USP39: variants seen among roughly 807,000 people sequenced by gnomAD.
The protein encoded by USP39 is ubiquitin carboxyl-terminal hydrolase 39.
In USP39, 38 loss-of-function variants were observed where a neutral mutation model predicts 66.4. The observed-to-expected ratio is 0.57, with a 90% confidence interval of 0.44 to 0.75. USP39 has a LOEUF of 0.75. Ranked by LOEUF, USP39 falls within the 30% of genes least tolerant of loss-of-function variation. The pLI, the probability that USP39 is intolerant of heterozygous loss-of-function variation, is 0.00. For synonymous variants in USP39, 303 were observed against 274.6 expected, an observed-to-expected ratio of 1.10 and a Z score of -1.02; for missense variants, 608 against 714.4, an observed-to-expected ratio of 0.85 and a Z score of 1.70.
rs1384178280 is a variant in USP39 at position 85,623,667 on chromosome 2, C to T, written c.455C>T (p.Ala152Val). ...ACAGGCCGGGGTTTGAAGTCTCACG[C>T]CTACATTCACAGTGTCCAGTTTAGC... ...YFQGRGLKSHAYIHSVQFSHH... is the reference protein window; with the variant it reads ...YFQGRGLKSHVYIHSVQFSHH... Residue 152 changes from alanine to valine, a missense_variant, in exon 4 of 13, where the codon GCC becomes GTC. Coordinates refer to ENST00000323701, the MANE Select transcript of USP39 (RefSeq NM_006590.4). 6.2e-7 allele frequency: 1 copy of T among 1,613,642 alleles called. No homozygotes were observed. The highest frequency in any genetic ancestry group is 1.7e-5 in the Admixed American group (1 of 59,908).
chr2:85,608,874 A>G, upstream of USP39: 1 of 1,587,168 alleles, frequency 6.3e-7, no homozygotes. Flanking sequence ...TGGTACCCCC[A>G]CACTAAATTC....
chr2:85,631,313 CT>C (rs57173306), intron 6 of USP39, among the ~76,000 whole-genome samples: 9,825 of 126,206 alleles, frequency 0.078, 966 homozygotes, highest in African/African-American at 0.25. Flanking sequence ...TGCGCCCGGC[CT>C]TTTTTTTTTT....
chr2:85,611,478 G>C, upstream of USP39: 1 of 1,549,226 alleles, frequency 6.5e-7, no homozygotes, highest in East Asian at 2.4e-5. Flanking sequence ...CTTAACTGGG[G>C]GCTTATGAGT....
chr2:85,643,791 G>T (rs1463814318), intron 10 of USP39, among the ~76,000 whole-genome samples: 1 of 151,866 alleles, frequency 6.6e-6, no homozygotes, highest in Non-Finnish European at 1.5e-5. Context: ...GGGACTACAG[G>T]TGCACGCCGC....
At position 85,649,084 on chromosome 2, in the gene USP39, ATG is replaced by A; in HGVS notation, c.*282_*283del. On this transcript the variant is annotated 3_prime_UTR_variant, in exon 13 of 13. Coordinates refer to ENST00000323701, the MANE Select transcript of USP39 (RefSeq NM_006590.4). ...TCAGCAGGGCAGAACCCTTCTCCAG[ATG>A]TGTGTAACTTATGTCTTGAGTATCT... 2.4e-6 allele frequency: 1 copy of A among 418,052 alleles called. No individual in the cohort carries two copies. The highest frequency in any genetic ancestry group is 4.1e-6 in the Non-Finnish European group (1 of 241,620). 25.9% of individuals were successfully genotyped at this position (418,052 alleles called of 1,614,324 possible).
chr2:85,611,833 C>G, upstream of USP39: 1 of 1,605,486 alleles, frequency 6.2e-7, no homozygotes, highest in Non-Finnish European at 8.5e-7. Context: ...CCGGGCCAGG[C>G]CAGGCCAGGA....
intron 5 of USP39, among the ~76,000 whole-genome samples, chr2:85,627,628 T>TA (rs758659994): frequency 0.012 from 1,683 of 139,160 alleles, 26 homozygotes; most frequent in African/African-American, 0.038. Context: ...TGTCTCTATT[T>TA]AAAAAAAAAA....
At chr2:85,631,306 G>C (rs59139634) in intron 6 of USP39, among the ~76,000 whole-genome samples, 1 of 146,192 alleles carries the variant, frequency 6.8e-6, no homozygotes, top group African/African-American at 2.5e-5. Context: ...GAGCCACTGC[G>C]CCCGGCCTTT....
upstream of USP39, among the ~76,000 whole-genome samples, chr2:85,613,573 G>A (rs1355066584): frequency 2.0e-5 from 3 of 152,166 alleles, no homozygotes; most frequent in African/African-American, 7.2e-5. Context: ...GCAATCCAAA[G>A]GAAGATCTGT....
chr2:85,627,284 A>G (rs1009446749), intron 5 of USP39, among the ~76,000 whole-genome samples: 1 of 150,942 alleles, frequency 6.6e-6, no homozygotes, highest in Non-Finnish European at 1.5e-5. Context: ...TTTAGTAGAG[A>G]TGGGGTTTCA....
chr2:85,619,125 T>G, intron 1 of USP39, 95 bp from the exon 2 acceptor site: 1 of 1,377,282 alleles, frequency 7.3e-7, no homozygotes, highest in Non-Finnish European at 1.0e-6. Context: ...CTCATCTTGA[T>G]TAGTTTTTCC....
upstream of USP39, chr2:85,611,765 C>T (rs777942349): frequency 9.3e-6 from 15 of 1,612,360 alleles, no homozygotes; most frequent in Middle Eastern, 3.3e-4. Flanking sequence ...CCGCCTGCTT[C>T]ACCTTCTTGT....
intron 8 of USP39, among the ~76,000 whole-genome samples, chr2:85,638,167 A>T (rs1675930595): frequency 6.6e-6 from 1 of 151,712 alleles, no homozygotes; most frequent in African/African-American, 2.4e-5. Context: ...GATTACAGGC[A>T]TGCGCCACTA....
At chr2:85,624,766 C>A (rs548259845) in intron 4 of USP39, among the ~76,000 whole-genome samples, 2 of 152,010 alleles carry the variant, frequency 1.3e-5, no homozygotes, top group South Asian at 4.1e-4. Context: ...GAGTTTGAGA[C>A]CAGCCTGACC....
chr2:85,627,330 C>T (rs570026115), intron 5 of USP39, among the ~76,000 whole-genome samples: 6 of 152,218 alleles, frequency 3.9e-5, no homozygotes, highest in South Asian at 2.1e-4. Flanking sequence ...CTCCTGACCT[C>T]GTGGTCCACC....
At chr2:85,642,580 T>G (rs1246082298) in intron 10 of USP39, among the ~76,000 whole-genome samples, 1 of 152,252 alleles carries the variant, frequency 6.6e-6, no homozygotes, top group Non-Finnish European at 1.5e-5. Context: ...AAAGCTTACT[T>G]CGGAGAAGTT....
chr2:85,624,194 A>G (rs1674674953), intron 4 of USP39, among the ~76,000 whole-genome samples: 1 of 152,048 alleles, frequency 6.6e-6, no homozygotes. Flanking sequence ...CAGATATCTT[A>G]TCTGTGGGCT....
At chr2:85,616,831 C>T (rs1674014506) in intron 1 of USP39, among the ~76,000 whole-genome samples, 1 of 151,790 alleles carries the variant, frequency 6.6e-6, no homozygotes, top group Non-Finnish European at 1.5e-5. Flanking sequence ...GCGCCCACCA[C>T]CGCTCCCGCC....
At chr2:85,614,821 T>G (rs907274549), upstream of USP39, among the ~76,000 whole-genome samples, 2 of 152,240 alleles carry the variant, frequency 1.3e-5, no homozygotes, top group African/African-American at 4.8e-5. Flanking sequence ...CTCTGTTCCC[T>G]TAACTGTAGA....
Sources: gnomAD v4.1 joint callset for allele counts (sites outside exome capture counted in the v4.1 genomes callset) on GRCh38, gnomAD v4.1.1 for gene constraint, MANE v1.5 for transcripts, NCBI Gene and HGNC (gene_info 2026-07-23, HGNC 2026-07-21) for gene names.